The following C12orf42 variants were observed in gnomAD, a reference collection of about 807,000 sequenced individuals.
C12orf42 encodes the protein chromosome 12 open reading frame 42.
A neutral mutation model predicts 21.6 loss-of-function variants in C12orf42; 25 were observed. The ratio of observed to expected loss-of-function variants is 1.16; its 90% CI spans 0.84 to 1.62. C12orf42 has a LOEUF of 1.62. Ranked by LOEUF, C12orf42 falls within the 40% of genes most tolerant of loss-of-function variation. C12orf42 has a pLI of 0.00. For missense variants in C12orf42, 483 were observed against 459.3 expected (o/e 1.05, Z -0.47); for synonymous variants, 174 against 175.0 (o/e 0.99, Z 0.05).
At chr12:103,183,937 T>C in the C12orf42 span, among the ~76,000 whole-genome samples, 3 of 152,248 alleles carry the variant, frequency 2.0e-5, no homozygotes, top group Non-Finnish European at 2.9e-5. Flanking sequence ...TACTCTATAT[T>C]ACAAGTTTTT....
chr12:103,501,942 A>G, the C12orf42 span, among the ~76,000 whole-genome samples: 2 of 152,212 alleles, frequency 1.3e-5, no homozygotes, highest in African/African-American at 4.8e-5. Context: ...ATTATATTGG[A>G]AAAATCAAAG....
At chr12:103,451,995 C>T (rs1951973880) in intron 2 of C12orf42, among the ~76,000 whole-genome samples, 1 of 152,010 alleles carries the variant, frequency 6.6e-6, no homozygotes, top group South Asian at 2.1e-4. Context: ...TGACTTAAAA[C>T]AATAAGCCTT....
chr12:103,153,604 C>T, the C12orf42 span, among the ~76,000 whole-genome samples: 1 of 151,942 alleles, frequency 6.6e-6, no homozygotes, highest in African/African-American at 2.4e-5. Flanking sequence ...TCAGGGATAT[C>T]CAAGTTAAAA....
chr12:103,048,261 C>T, the C12orf42 span, among the ~76,000 whole-genome samples: 1 of 152,156 alleles, frequency 6.6e-6, no homozygotes, highest in Non-Finnish European at 1.5e-5. Context: ...AATAAAACTA[C>T]TCACCTCTAA....
chr12:103,358,346 AAGAATAG>A (rs901710361), intron 4 of C12orf42, among the ~76,000 whole-genome samples: 2 of 152,096 alleles, frequency 1.3e-5, no homozygotes, highest in African/African-American at 4.8e-5. Flanking sequence ...AAGTCCTAAG[AAGAATAG>A]AGAGATCCCA....
the C12orf42 span, among the ~76,000 whole-genome samples, chr12:103,059,177 A>G: frequency 6.6e-5 from 10 of 152,338 alleles, no homozygotes; most frequent in African/African-American, 2.4e-4. Context: ...GCAAACTACT[A>G]TCAGAGAATA....
chr12:103,257,745 T>C (rs1033657903), intron 10 of C12orf42, among the ~76,000 whole-genome samples: 2 of 151,552 alleles, frequency 1.3e-5, no homozygotes, highest in African/African-American at 4.8e-5. Context: ...ATATCTAATA[T>C]AGAGATACTA....
Position 103,350,139 on chromosome 12 carries a change from C to A in C12orf42, c.259+18748G>T, listed in dbSNP as rs77622484. Among the ~76,000 whole-genome samples the A allele has an allele frequency of 3.3e-3, 502 of 152,134 alleles. 3 individuals are homozygous for A. The highest frequency in any genetic ancestry group is 0.011 in the African/African-American group (475 of 41,510). Reference sequence around the variant, plus strand: ...CATTATTTCTTCATATACAGAAGACCCCCTTATCTACCATCTCACTTTCCA... The same window carrying A: ...CATTATTTCTTCATATACAGAAGACACCCTTATCTACCATCTCACTTTCCA... On this transcript the variant is annotated intron_variant, in intron 4 of 5. Transcript: ENST00000548883.
At chr12:103,307,858 G>A (rs566614021) in intron 4 of C12orf42, among the ~76,000 whole-genome samples, 1 of 152,190 alleles carries the variant, frequency 6.6e-6, no homozygotes, top group African/African-American at 2.4e-5. Context: ...GCTGTGAAAG[G>A]GATGAAAAGA....
chr12:103,184,748 C>T, the C12orf42 span, among the ~76,000 whole-genome samples: 49 of 135,072 alleles, frequency 3.6e-4, no homozygotes, highest in African/African-American at 1.3e-3. Flanking sequence ...AAAGTTCTCA[C>T]CCCCAGTAAC....
At chr12:103,528,073 T>C in the C12orf42 span, among the ~76,000 whole-genome samples, 1 of 152,202 alleles carries the variant, frequency 6.6e-6, no homozygotes, top group Non-Finnish European at 1.5e-5. Context: ...TTATACTTCT[T>C]TTGCAATACT....
intron 2 of C12orf42, among the ~76,000 whole-genome samples, chr12:103,450,627 C>T (rs936876437): frequency 3.9e-5 from 6 of 152,092 alleles, no homozygotes; most frequent in Non-Finnish European, 5.9e-5. Flanking sequence ...ACCCCACGGT[C>T]TCCCCTAAGA....
chr12:103,330,404 G>A (rs1308301681), intron 4 of C12orf42, among the ~76,000 whole-genome samples: 2 of 152,122 alleles, frequency 1.3e-5, no homozygotes, highest in Admixed American at 6.5e-5. Flanking sequence ...ACTCCCAGCG[G>A]TACATACGGA....
At chr12:103,401,702 G>C (rs999836540) in intron 2 of C12orf42, 27 bp from the exon 3 acceptor site, 2 of 1,588,690 alleles carry the variant, frequency 1.3e-6, no homozygotes, top group East Asian at 2.2e-5. Flanking sequence ...AAGGCATTTA[G>C]TATCACTTCA....
intron 2 of C12orf42, among the ~76,000 whole-genome samples, chr12:103,426,822 G>T (rs1027714587): frequency 3.3e-5 from 5 of 152,120 alleles, no homozygotes; most frequent in African/African-American, 4.8e-5. Flanking sequence ...TTAAAGAAAA[G>T]AATTTTCAAC....
intron 2 of C12orf42, among the ~76,000 whole-genome samples, chr12:103,461,304 T>C (rs1477316043): frequency 6.6e-6 from 1 of 152,196 alleles, no homozygotes; most frequent in Non-Finnish European, 1.5e-5. Flanking sequence ...CTTTTGAAGA[T>C]GACAAATAGC....
intron 2 of C12orf42, among the ~76,000 whole-genome samples, chr12:103,438,024 C>T (rs370381420): frequency 1.6e-4 from 24 of 151,044 alleles, no homozygotes; most frequent in Non-Finnish European, 3.0e-4. Flanking sequence ...ACTGGCAAAC[C>T]GAATCCAGCA....
chr12:103,250,403 TC>T (rs2034239878), intron 10 of C12orf42, among the ~76,000 whole-genome samples: 6 of 152,014 alleles, frequency 3.9e-5, no homozygotes, highest in Admixed American at 3.9e-4. Context: ...ACAAGCCTTT[TC>T]TCCAACAGCA....
At chr12:103,225,293 C>G in the C12orf42 span, among the ~76,000 whole-genome samples, 3 of 152,134 alleles carry the variant, frequency 2.0e-5, no homozygotes, top group African/African-American at 4.8e-5. Context: ...ACTTGTAAGG[C>G]TTGTCTGGTT....
Sources: gnomAD v4.1 joint callset for allele counts (sites outside exome capture counted in the v4.1 genomes callset) on GRCh38, gnomAD v4.1.1 for gene constraint, MANE v1.5 for transcripts, NCBI Gene and HGNC (gene_info 2026-07-23, HGNC 2026-07-21) for gene names.